AHNAK: variants seen among roughly 807,000 people sequenced by gnomAD.
The protein encoded by AHNAK is neuroblast differentiation-associated protein AHNAK.
A neutral mutation model predicts 37.8 loss-of-function variants in AHNAK; 23 were observed. The observed-to-expected ratio is 0.61, with a 90% CI of 0.44 to 0.86. AHNAK has a LOEUF of 0.86. Among genes scored for constraint, AHNAK ranks in the 40% least tolerant of loss-of-function variants. The pLI is 0.00. For synonymous variants in AHNAK, 2,481 were observed against 2,636.3 expected (o/e 0.94, Z 1.80); for missense variants, 7,411 against 7,319.4 (o/e 1.01, Z -0.46).
At position 62,535,134 on chromosome 11, in the gene AHNAK, T is replaced by C. The variant is rs767341838; in HGVS notation, c.211A>G (p.Thr71Ala). The C allele has an allele frequency of 4.3e-6, 7 of 1,613,536 alleles. No individual in the cohort carries two copies. In the South Asian group the frequency reaches 6.6e-5, roughly 15 times the overall value. ...TGCCCCATGGTGTTCAGCAGCTGGGTCACCTCACCCGACTGCAGGTTGTCA... is the reference window on the plus strand; with the variant it reads ...TGCCCCATGGTGTTCAGCAGCTGGGCCACCTCACCCGACTGCAGGTTGTCA... ...YFDNLQSGEV[T>A]QLLNTMGHHT... The change falls in exon 4 of 5, where the codon ACC (threonine) becomes GCC (alanine). Residue 71 changes from threonine to alanine, a missense_variant. Coordinates refer to ENST00000378024, the MANE Select transcript of AHNAK (RefSeq NM_001620.3).
intron 1 of AHNAK, among the ~76,000 whole-genome samples, chr11:62,543,447 A>T (rs955555490): frequency 6.6e-6 from 1 of 152,210 alleles, no homozygotes; most frequent in Non-Finnish European, 1.5e-5. Flanking sequence ...TCTCACTCAG[A>T]GACAAGCTGT....
rs750219602 is a variant in AHNAK, at chr11:62,519,075, C to T, written c.15342G>A (p.Glu5114=). ...CCAGATCAGGTGCCTGGAGTTCACC[C>T]TCCAGTTTGGGGCTAGGGAGAGGGG... The part of the protein sequence containing the change: ...AEAPLPSPKL[E]GELQAPDLEL... Residue 5114 remains glutamate, a synonymous_variant, in exon 5 of 5, where the codon GAG becomes GAA. Coordinates refer to ENST00000378024, the MANE Select transcript of AHNAK (RefSeq NM_001620.3). The T allele has an allele frequency of 6.2e-7, 1 of 1,613,240 alleles. No individual in the cohort carries two copies. The highest frequency in any genetic ancestry group is 8.5e-7 in the Non-Finnish European group (1 of 1,179,520).
At chr11:62,448,440 T>G (rs889855097) in intron 5 of AHNAK, among the ~76,000 whole-genome samples, 2 of 151,944 alleles carry the variant, frequency 1.3e-5, no homozygotes. Flanking sequence ...GCGGTAGAGA[T>G]GGAGAGAGGT....
At position 62,521,946 on chromosome 11, in the gene AHNAK, G is replaced by T; in HGVS notation, c.12471C>A (p.Asp4157Glu). The change falls in exon 5 of 5, where the codon GAC (aspartate) becomes GAA (glutamate). Residue 4157 changes from aspartate to glutamate, a missense_variant. Asp to Glu is a conservative substitution (Grantham distance 45). Transcript: ENST00000378024. Reference protein sequence around the residue: ...VDVSLPKVEGDLKGPEVDIKG... With the variant: ...VDVSLPKVEGELKGPEVDIKG... ...TGATGTCAACTTCAGGGCCCTTGAG[G>T]TCGCCTTCCACTTTGGGCAGAGAAA... 6.2e-7 allele frequency: 1 copy of T among 1,608,386 alleles called. No individual in the cohort carries two copies. The highest frequency in any genetic ancestry group is 1.1e-5 in the South Asian group (1 of 90,750).
rs1939134774 is a variant in AHNAK at position 62,475,870 on chromosome 11, GC to G, written c.442+15861del. 3.9e-5 allele frequency among the ~76,000 whole-genome samples: 6 copies of G among 152,180 alleles called. No homozygotes were observed. The South Asian group carries it at 1.2e-3, about 32-fold the overall frequency. On this transcript the variant is annotated intron_variant, in intron 5 of 5. Transcript: ENST00000257247. The stretch of plus-strand genomic sequence containing the variant: ...TCCGCCCGCCTCAGTCTCCCAAAGT[GC>G]TGGGATTACAGGTGTGAGCCACCGC...
Position 62,461,774 on chromosome 11 carries a change from G to A in AHNAK, c.443-27883C>T, listed in dbSNP as rs944281126. On this transcript the variant is annotated intron_variant, in intron 5 of 5. Transcript: ENST00000257247. ...CGGGAGGCGGAGGTTGCGGTGAGCC[G>A]AGATGGCGCCATTGCACTCCAGCCT... is the stretch of plus-strand genomic sequence containing the variant. Among the ~76,000 whole-genome samples, 10 of 149,786 alleles carry A rather than the reference G, an allele frequency of 6.7e-5. No homozygotes were observed. The East Asian group carries it at 1.2e-3, about 18-fold the overall frequency.
intron 5 of AHNAK, among the ~76,000 whole-genome samples, chr11:62,482,306 T>A (rs1469778983): frequency 6.6e-6 from 1 of 151,994 alleles, no homozygotes; most frequent in Admixed American, 6.6e-5. Flanking sequence ...TTCCAGCTAC[T>A]CAGGAAGCTG....
chr11:62,535,677 C>A (rs1940921252), intron 3 of AHNAK, among the ~76,000 whole-genome samples: 2 of 151,922 alleles, frequency 1.3e-5, no homozygotes, highest in Admixed American at 1.3e-4. Context: ...AACTCATTTG[C>A]CCAAATCTGC....
chr11:62,477,295 G>A (rs921394519), intron 5 of AHNAK, among the ~76,000 whole-genome samples: 2 of 152,184 alleles, frequency 1.3e-5, no homozygotes, highest in African/African-American at 4.8e-5. Flanking sequence ...ATGTGTTTGA[G>A]CCTAGTTATA....
intron 5 of AHNAK, among the ~76,000 whole-genome samples, chr11:62,477,033 C>T (rs1939162021): frequency 6.6e-6 from 1 of 152,150 alleles, no homozygotes; most frequent in South Asian, 2.1e-4. Context: ...AAAAGTTGAA[C>T]GAATTGTACT....
intron 5 of AHNAK, among the ~76,000 whole-genome samples, chr11:62,444,980 C>T (rs1385115443): frequency 4.6e-5 from 7 of 152,238 alleles, no homozygotes; most frequent in Admixed American, 4.6e-4. Flanking sequence ...AACACTACCT[C>T]CTCCAACAAC....
intron 4 of AHNAK, among the ~76,000 whole-genome samples, chr11:62,499,985 A>G (rs3867144): frequency 0.15 from 22,186 of 152,164 alleles, 3,952 homozygotes; most frequent in African/African-American, 0.42. Flanking sequence ...CTCACTTTCC[A>G]GTCCTCTGCT....
At chr11:62,447,803 C>T (rs560132154) in intron 5 of AHNAK, among the ~76,000 whole-genome samples, 1 of 152,262 alleles carries the variant, frequency 6.6e-6, no homozygotes, top group African/African-American at 2.4e-5. Flanking sequence ...TGTTTGTCAA[C>T]TCAGTGAATA....
At position 62,533,666 on chromosome 11, in the gene AHNAK, T is replaced by C. The variant is rs2134245810; in HGVS notation, c.751A>G (p.Ile251Val). Residue 251 changes from isoleucine (I) to valine (V), a missense_variant, in exon 5 of 5, where the codon ATA (isoleucine) becomes GTA (valine). Coordinates refer to ENST00000378024, the MANE Select transcript of AHNAK (RefSeq NM_001620.3). ...TTGACACCTGAGCCTCCCACCTTTA[T>C]CCCAGGCATGGTGACCTGGAGCTTC... The part of the protein sequence containing the change: ...HSKLQVTMPG[I>V]KVGGSGVNVN... 1 of 1,614,028 alleles carries C rather than the reference T, an allele frequency of 6.2e-7. No individual in the cohort carries two copies. Among genetic ancestry groups the C allele is most frequent in the African/African-American group, 1.3e-5 (1 of 74,984 alleles).
At chr11:62,508,952 A>G (rs7124130) in intron 4 of AHNAK, among the ~76,000 whole-genome samples, 1 of 152,156 alleles carries the variant, frequency 6.6e-6, no homozygotes, top group Admixed American at 6.5e-5. Context: ...TTGGACTTTT[A>G]TCTTGAAAAC....
intron 5 of AHNAK, among the ~76,000 whole-genome samples, chr11:62,470,967 C>T (rs997062206): frequency 3.3e-5 from 5 of 152,072 alleles, no homozygotes; most frequent in Non-Finnish European, 7.4e-5. Context: ...ACTCAGATGC[C>T]TCATCCACCT....
intron 5 of AHNAK, among the ~76,000 whole-genome samples, chr11:62,480,101 G>A (rs1939235691): frequency 6.6e-6 from 1 of 152,164 alleles, no homozygotes; most frequent in Admixed American, 6.5e-5. Flanking sequence ...CCACCTGCCA[G>A]GAAGGTCAGG....
chr11:62,485,831 A>T (rs1429912937), intron 5 of AHNAK, among the ~76,000 whole-genome samples: 1 of 151,922 alleles, frequency 6.6e-6, no homozygotes, highest in Non-Finnish European at 1.5e-5. Flanking sequence ...AGCCTGGCCA[A>T]CATAGTGAAA....
Position 62,516,263 on chromosome 11 carries a change from G to A in AHNAK, c.*481C>T, listed in dbSNP as rs900378782. ...CACCACCTCTGGGCCATCTGTGGGC[G>A]TTTGCTGTTTGAACAGATCCAGTCT... On this transcript the variant is annotated 3_prime_UTR_variant, in exon 5 of 5. Coordinates refer to ENST00000378024, the MANE Select transcript of AHNAK (RefSeq NM_001620.3). 2.0e-5 allele frequency: 26 copies of A among 1,289,180 alleles called. No homozygotes were observed. Among genetic ancestry groups the A allele is most frequent in the African/African-American group, 3.0e-5 (2 of 65,926 alleles). 79.9% of individuals were successfully genotyped at this position (1,289,180 alleles called of 1,614,324 possible).
Sources: allele counts gnomAD v4.1 joint callset (sites outside exome capture counted in the v4.1 genomes callset), GRCh38; gene constraint gnomAD v4.1.1; transcripts MANE v1.5; gene names NCBI Gene and HGNC (gene_info 2026-07-23, HGNC 2026-07-21).